Variants in ACOX3 observed in about 807,000 individuals in gnomAD.
ACOX3 encodes acyl-CoA oxidase 3, pristanoyl, also known as peroxisomal acyl-coenzyme A oxidase 3.
In ACOX3, 73 loss-of-function variants were observed where a neutral mutation model predicts 81.5. The ratio of observed to expected loss-of-function variants is 0.90; its 90% CI spans 0.74 to 1.09. ACOX3 has a LOEUF of 1.09. ACOX3 is among the 50% of genes least tolerant of loss of function. The pLI is 0.00. For missense variants in ACOX3, 947 were observed against 928.0 expected, an observed-to-expected ratio of 1.02 and a Z score of -0.27; for synonymous variants, 387 against 375.1, an observed-to-expected ratio of 1.03 and a Z score of -0.37.
rs888962537 is a variant in ACOX3, at chr4:8,382,635, A to G, written c.1538-1028T>C. Reference sequence around the variant, plus strand: ...TCAGCCACACTGAGTCTGAGCCCAAAGGCTGAACTCAGTGGGGCTTGGGAT... The same window carrying G: ...TCAGCCACACTGAGTCTGAGCCCAAGGGCTGAACTCAGTGGGGCTTGGGAT... On this transcript the variant is annotated intron_variant, in intron 13 of 17. Coordinates refer to ENST00000356406, the MANE Select transcript of ACOX3 (RefSeq NM_003501.3). This position sits in a 1 kb window ranked among gnomAD's most constrained non-coding sequence, Gnocchi z 4.1. 1.6e-4 allele frequency among the ~76,000 whole-genome samples: 24 copies of G among 152,224 alleles called. No homozygotes were observed. Among genetic ancestry groups the G allele is most frequent in the Non-Finnish European group, 4.4e-5 (3 of 68,038 alleles).
chr4:8,365,521 G>A (rs1019987091), downstream of ACOX3, among the ~76,000 whole-genome samples: 7 of 152,224 alleles, frequency 4.6e-5, no homozygotes, highest in Admixed American at 2.0e-4. Context: ...TTCTGGTCCC[G>A]CTCGGCCACC....
chr4:8,377,464 C>G (rs1717116865), intron 14 of ACOX3, among the ~76,000 whole-genome samples: 1 of 152,110 alleles, frequency 6.6e-6, no homozygotes. Context: ...TCACTCGGCT[C>G]TGCAGCTCTG....
At chr4:8,356,280 C>T in the ACOX3 span, 206 of 352,934 alleles carry the variant, frequency 5.8e-4, 3 homozygotes, top group South Asian at 3.7e-3. Context: ...TCTGCTCCCT[C>T]ATCCCCACTT....
intron 17 of ACOX3, among the ~76,000 whole-genome samples, chr4:8,367,807 A>AAAT (rs1491495285): frequency 1.4e-4 from 5 of 35,166 alleles, no homozygotes; most frequent in African/African-American, 1.0e-3. Context: ...CCATCTTTAC[A>AAAT]AAAAAAAAAA....
Position 8,389,931 on chromosome 4 carries a change from C to T in ACOX3, c.1301-197G>A, listed in dbSNP as rs988531396. ...ACCAGCCTGACCAACATGGTGAAAC[C>T]CACCTCTACTAAAAATACAAAAATA... On this transcript the variant is annotated intron_variant, in intron 11 of 17. Coordinates refer to ENST00000356406, the MANE Select transcript of ACOX3 (RefSeq NM_003501.3). The surrounding 1 kb of genome is among the most constrained non-coding windows in gnomAD (Gnocchi z 5.3). Among the ~76,000 whole-genome samples, 2 of 151,890 alleles carry T rather than the reference C, an allele frequency of 1.3e-5. No homozygotes were observed. Among genetic ancestry groups the T allele is most frequent in the Non-Finnish European group, 2.9e-5 (2 of 68,004 alleles).
Position 8,420,672 on chromosome 4 carries a change from T to G in ACOX3, c.-14-4137A>C, listed in dbSNP as rs146064101. On this transcript the variant is annotated intron_variant, in intron 1 of 17. Transcript: ENST00000356406. ...CGTTGAATGGGAGCTCTGTTTTCAC[T>G]CTATTAAATCTTGCAACTGCACACT... Among the ~76,000 whole-genome samples, 573 of 152,180 alleles carry G rather than the reference T, an allele frequency of 3.8e-3. 3 individuals carry two copies. The highest frequency in any genetic ancestry group is 6.3e-3 in the Admixed American group (96 of 15,292).
rs1238483762 is a variant in ACOX3 at position 8,368,514 on chromosome 4, T to C, written c.1984-1434A>G. Among the ~76,000 whole-genome samples, 1 of 152,040 alleles carries C rather than the reference T, an allele frequency of 6.6e-6. No individual in the cohort carries two copies. The highest frequency in any genetic ancestry group is 2.4e-5 in the African/African-American group (1 of 41,408). Reference sequence around the variant, plus strand: ...CCCGCTAAATGCACTTAGCAACCCCTCCTCCCCACTCTGCTACTCTGGGCT... The same window carrying C: ...CCCGCTAAATGCACTTAGCAACCCCCCCTCCCCACTCTGCTACTCTGGGCT... On this transcript the variant is annotated intron_variant, in intron 17 of 17. Transcript: ENST00000356406. This position sits in a 1 kb window ranked among gnomAD's most constrained non-coding sequence, Gnocchi z 5.9.
intron 1 of ACOX3, among the ~76,000 whole-genome samples, chr4:8,429,834 C>T (rs938899299): frequency 6.6e-6 from 1 of 151,966 alleles, no homozygotes; most frequent in Non-Finnish European, 1.5e-5. Flanking sequence ...CCCAACTACT[C>T]GTGAGGCTGA....
In ACOX3 at chr4:8,368,787, G is replaced by A. The variant is rs1217750987; in HGVS notation, c.1984-1707C>T. Among the ~76,000 whole-genome samples the A allele has an allele frequency of 6.6e-6, 1 of 150,732 alleles. No individual in the cohort carries two copies. The highest frequency in any genetic ancestry group is 2.4e-5 in the African/African-American group (1 of 40,838). Reference sequence around the variant, plus strand: ...CCTGTTGGCCAGGCTGGAGTGCAGTGGCGCGATCACTGCCCACCACAGCCT... The same window carrying A: ...CCTGTTGGCCAGGCTGGAGTGCAGTAGCGCGATCACTGCCCACCACAGCCT... On this transcript the variant is annotated intron_variant, in intron 17 of 17. Coordinates refer to ENST00000356406, the MANE Select transcript of ACOX3 (RefSeq NM_003501.3). The surrounding 1 kb of genome is among the most constrained non-coding windows in gnomAD (Gnocchi z 5.9).
chr4:8,363,336 G>T (rs1482372365), downstream of ACOX3, among the ~76,000 whole-genome samples: 1 of 152,176 alleles, frequency 6.6e-6, no homozygotes, highest in African/African-American at 2.4e-5. Context: ...CAAGCTTACT[G>T]AATGTTTTCT....
At chr4:8,408,259 CAA>C (rs201696645) in intron 6 of ACOX3, among the ~76,000 whole-genome samples, 19 of 132,664 alleles carry the variant, frequency 1.4e-4, no homozygotes, top group Admixed American at 3.0e-4. Flanking sequence ...CACTGTCTCA[CAA>C]AAAAAAAAAA....
rs183771038 is a variant in ACOX3 at position 8,378,910 on chromosome 4, G to C, written c.1653+2582C>G. Among the ~76,000 whole-genome samples, 3 of 152,266 alleles carry C rather than the reference G, an allele frequency of 2.0e-5. No individual in the cohort carries two copies. The East Asian group carries it at 5.8e-4, about 30-fold the overall frequency. On this transcript the variant is annotated intron_variant, in intron 14 of 17. Transcript: ENST00000356406. ...AGGACACAGCCATCACCCTCTCCAT[G>C]AACGGTGCTGCTGCCCAAGCCCAGC...
At chr4:8,369,960 G>T (rs1001106078) in intron 17 of ACOX3, among the ~76,000 whole-genome samples, 1 of 152,222 alleles carries the variant, frequency 6.6e-6, no homozygotes, top group Non-Finnish European at 1.5e-5. Flanking sequence ...AAGCAGTGGG[G>T]TGCTGGAAGG....
Position 8,410,195 on chromosome 4 carries a change from C to T in ACOX3, c.687+17G>A. On this transcript the variant is annotated intron_variant, in intron 6 of 17. Coordinates refer to ENST00000356406, the MANE Select transcript of ACOX3 (RefSeq NM_003501.3). ...GGGTAAACACTGCCCCCACTGAGGG[C>T]CACCCCAGCGTCCTACCTGCACGAT... 3.1e-6 allele frequency: 5 copies of T among 1,608,956 alleles called. No homozygotes were observed. The highest frequency in any genetic ancestry group is 4.2e-6 in the Non-Finnish European group (5 of 1,176,592).
intron 8 of ACOX3, among the ~76,000 whole-genome samples, chr4:8,398,939 C>T (rs147505167): frequency 7.2e-5 from 11 of 152,328 alleles, no homozygotes; most frequent in South Asian, 4.1e-4. Context: ...CTCCTGGTCT[C>T]GTGTTGCTGT....
rs775478975 is a variant in ACOX3, at chr4:8,410,204, C to T, written c.687+8G>A. On this transcript the variant is annotated splice_region_variant and intron_variant, in intron 6 of 17. Transcript: ENST00000356406. ...CTGCCCCCACTGAGGGCCACCCCAG[C>T]GTCCTACCTGCACGATAAAGGGATG... The T allele has an allele frequency of 5.0e-6, 8 of 1,612,342 alleles. No homozygotes were observed. The highest frequency in any genetic ancestry group is 1.3e-5 in the African/African-American group (1 of 74,966).
intron 1 of ACOX3, among the ~76,000 whole-genome samples, chr4:8,425,384 G>A (rs1175592334): frequency 6.6e-6 from 1 of 151,804 alleles, no homozygotes; most frequent in Non-Finnish European, 1.5e-5. Flanking sequence ...TTCCCCTCAG[G>A]ATGGCTAGCC....
rs570363104 is a variant in ACOX3, at chr4:8,416,269, G to T, written c.144+109C>A. 2.8e-5 allele frequency: 45 copies of T among 1,580,106 alleles called. No individual in the cohort carries two copies. Among genetic ancestry groups the T allele is most frequent in the Non-Finnish European group, 3.6e-5 (42 of 1,153,850 alleles). ...GGAGAGAGGCCGCGCTGCCTGGGATGAGCCTCGCCCGGCAGAGGAGGAGCT... is the reference window on the plus strand; with the variant it reads ...GGAGAGAGGCCGCGCTGCCTGGGATTAGCCTCGCCCGGCAGAGGAGGAGCT... On this transcript the variant is annotated intron_variant, in intron 2 of 17. Transcript: ENST00000356406. The surrounding 1 kb of genome is among the most constrained non-coding windows in gnomAD (Gnocchi z 4.2).
intron 3 of ACOX3, 105 bp downstream of exon 3, chr4:8,415,661 A>C: frequency 1.0e-6 from 1 of 953,780 alleles, no homozygotes; most frequent in Admixed American, 2.7e-5. Context: ...ATATAGCTGG[A>C]CAAACTGGTG....
Sources: gnomAD v4.1 joint callset for allele counts (sites outside exome capture counted in the v4.1 genomes callset) on GRCh38, gnomAD v4.1.1 for gene constraint, Gnocchi (gnomAD v3.1) non-coding constraint, MANE v1.5 for transcripts, NCBI Gene and HGNC (gene_info 2026-07-23, HGNC 2026-07-21) for gene names.